ANKFN1: variants seen among roughly 807,000 people sequenced by gnomAD.
ANKFN1 encodes the protein ankyrin repeat and fibronectin type-III domain-containing protein 1.
A neutral mutation model predicts 108.7 loss-of-function variants in ANKFN1; 74 were observed. The observed-to-expected ratio is 0.68, with a 90% CI of 0.56 to 0.83. ANKFN1 has a LOEUF of 0.83. ANKFN1 is among the 40% of genes least tolerant of loss of function. The pLI, the probability that ANKFN1 is intolerant of heterozygous loss-of-function variation, is 0.00. For missense variants in ANKFN1, 1,505 were observed against 1,382.3 expected (o/e 1.09, Z -1.41); for synonymous variants, 547 against 516.2 (o/e 1.06, Z -0.81).
intron 14 of ANKFN1, among the ~76,000 whole-genome samples, chr17:56,463,121 A>G (rs1354921225): frequency 6.6e-6 from 1 of 152,226 alleles, no homozygotes. Flanking sequence ...TGAAGTGACT[A>G]CTTTCATTTA....
At chr17:56,342,480 A>T (rs1383004584) in intron 4 of ANKFN1, among the ~76,000 whole-genome samples, 1 of 151,946 alleles carries the variant, frequency 6.6e-6, no homozygotes, top group African/African-American at 2.4e-5. Flanking sequence ...TGTCCCAGAG[A>T]TTCTGGTACA....
chr17:56,499,210 C>A, intron 20 of ANKFN1, 112 bp downstream of exon 20: 1 of 1,022,686 alleles, frequency 9.8e-7, no homozygotes, highest in Non-Finnish European at 1.4e-6. Context: ...GATGAAAACA[C>A]TGCTCAGGGG....
chr17:56,487,958 G>A (rs1176981737), intron 18 of ANKFN1, among the ~76,000 whole-genome samples: 1 of 152,184 alleles, frequency 6.6e-6, no homozygotes, highest in Admixed American at 6.5e-5. Context: ...GATGCTTAAG[G>A]CATCTGAGGA....
chr17:56,150,397 C>T (rs77444414), upstream of ANKFN1, among the ~76,000 whole-genome samples: 3,704 of 152,220 alleles, frequency 0.024, 137 homozygotes, highest in African/African-American at 0.084. Context: ...CCCCTTTAGA[C>T]GTAGCATTCG....
At chr17:56,185,908 G>A (rs539634828) in intron 1 of ANKFN1, among the ~76,000 whole-genome samples, 2 of 148,008 alleles carry the variant, frequency 1.4e-5, no homozygotes, top group East Asian at 4.2e-4. Context: ...TTAGGAAACC[G>A]CATTAAAAAT....
At chr17:56,262,898 T>G (rs2043554814) in intron 3 of ANKFN1, among the ~76,000 whole-genome samples, 1 of 152,198 alleles carries the variant, frequency 6.6e-6, no homozygotes, top group African/African-American at 2.4e-5. Flanking sequence ...TTCCCCCCTT[T>G]GTCTATGCCC....
chr17:56,295,004 C>T (rs190637380), intron 3 of ANKFN1, among the ~76,000 whole-genome samples: 1 of 152,272 alleles, frequency 6.6e-6, no homozygotes, highest in East Asian at 1.9e-4. Context: ...TGTTTGTGAC[C>T]ATCTCTGAAA....
chr17:56,301,842 T>C (rs1416803549), intron 3 of ANKFN1, among the ~76,000 whole-genome samples: 2 of 152,186 alleles, frequency 1.3e-5, no homozygotes, highest in African/African-American at 2.4e-5. Context: ...AGAAAACAAC[T>C]GACAGGAAGT....
intron 3 of ANKFN1, among the ~76,000 whole-genome samples, chr17:56,265,059 A>C (rs1294447122): frequency 1.3e-5 from 2 of 152,122 alleles, no homozygotes; most frequent in Non-Finnish European, 1.5e-5. Context: ...TTTCCATGCC[A>C]GTTTAATGTT....
At chr17:56,406,184 A>T (rs537172390) in intron 8 of ANKFN1, among the ~76,000 whole-genome samples, 1 of 152,334 alleles carries the variant, frequency 6.6e-6, no homozygotes, top group Admixed American at 6.5e-5. Context: ...AGAGGAGGTC[A>T]GGTACAGACT....
intron 8 of ANKFN1, 132 bp from the exon 9 acceptor site, chr17:56,440,195 A>G (rs1484711473): frequency 2.2e-6 from 1 of 462,462 alleles, no homozygotes; most frequent in Non-Finnish European, 3.9e-6. Flanking sequence ...ATACACCAAT[A>G]TAAAGAAAGG....
At chr17:56,068,046 T>C (rs1048356391) in intron 4 of ANKFN1, among the ~76,000 whole-genome samples, 2 of 152,140 alleles carry the variant, frequency 1.3e-5, no homozygotes, top group Admixed American at 6.5e-5. Flanking sequence ...AAGACAAGTA[T>C]TCCTTATTAC....
At chr17:56,235,083 T>C (rs973752406) in intron 3 of ANKFN1, among the ~76,000 whole-genome samples, 11 of 152,210 alleles carry the variant, frequency 7.2e-5, no homozygotes, top group Non-Finnish European at 1.5e-4. Context: ...TGGTTTTCAT[T>C]TGCATTTCTC....
chr17:56,048,933 G>A (rs79074826), intron 4 of ANKFN1, among the ~76,000 whole-genome samples: 3,158 of 152,270 alleles, frequency 0.021, 103 homozygotes, highest in African/African-American at 0.072. Flanking sequence ...GTGAAGACTA[G>A]CAAAGGTAAT....
chr17:56,073,243 C>T (rs1905142565), intron 4 of ANKFN1, among the ~76,000 whole-genome samples: 1 of 152,278 alleles, frequency 6.6e-6, no homozygotes, highest in South Asian at 2.1e-4. Context: ...CCGCCCGCCT[C>T]GGCCTCCCAA....
chr17:56,417,954 T>C (rs1429942992), intron 8 of ANKFN1, among the ~76,000 whole-genome samples: 1 of 152,196 alleles, frequency 6.6e-6, no homozygotes, highest in African/African-American at 2.4e-5. Context: ...ACATGAGTGT[T>C]TTCTTGAATC....
chr17:56,370,948 GT>G (rs34547153), intron 6 of ANKFN1, among the ~76,000 whole-genome samples: 5 of 149,408 alleles, frequency 3.3e-5, no homozygotes, highest in South Asian at 4.2e-4. Context: ...GTGTGTATGT[GT>G]TTTTTTTTTC....
At chr17:56,151,208 C>A (rs1405312354), upstream of ANKFN1, among the ~76,000 whole-genome samples, 2 of 152,178 alleles carry the variant, frequency 1.3e-5, no homozygotes, top group African/African-American at 4.8e-5. Context: ...ACCTAACACC[C>A]TCTACCTGCT....
At chr17:56,233,818 A>G (rs528029895) in intron 3 of ANKFN1, among the ~76,000 whole-genome samples, 1 of 152,052 alleles carries the variant, frequency 6.6e-6, no homozygotes, top group Non-Finnish European at 1.5e-5. Context: ...TGATGAATGA[A>G]TATAGTTTCC....
Sources: gnomAD v4.1 joint callset for allele counts (sites outside exome capture counted in the v4.1 genomes callset) on GRCh38, gnomAD v4.1.1 for gene constraint, MANE v1.5 for transcripts, NCBI Gene and HGNC (gene_info 2026-07-23, HGNC 2026-07-21) for gene names.